GRHL2: variants seen among roughly 807,000 people sequenced by gnomAD.
GRHL2 encodes the protein grainyhead like transcription factor 2.
Under a neutral mutation model 83.8 loss-of-function variants are expected in GRHL2, and 21 were observed. That is an observed-to-expected ratio of 0.25 (90% CI 0.18 to 0.36). GRHL2 has a LOEUF of 0.36. GRHL2 is among the 10% of genes least tolerant of loss of function. The pLI, the probability that GRHL2 is intolerant of heterozygous loss-of-function variation, is 1.00. For missense variants in GRHL2, 623 were observed against 781.8 expected, an observed-to-expected ratio of 0.80 and a Z score of 2.42; for synonymous variants, 280 against 278.9, an observed-to-expected ratio of 1.00 and a Z score of -0.04.
In GRHL2 at chr8:101,492,820, A is replaced by G. The variant is rs1809991932; in HGVS notation, c.20+31A>G. The G allele has an allele frequency of 5.0e-6, 8 of 1,609,188 alleles. No individual in the cohort carries two copies. In the East Asian group the frequency reaches 1.8e-4, roughly 36 times the overall value. On this transcript the variant is annotated intron_variant, in intron 1 of 15. Coordinates refer to ENST00000646743, the MANE Select transcript of GRHL2 (RefSeq NM_024915.4). Reference sequence around the variant, plus strand: ...TGGATCACACGCGCCGGCTGCTGCTACTACTACCACTTTGGGCTGATGGCA... The same window carrying G: ...TGGATCACACGCGCCGGCTGCTGCTGCTACTACCACTTTGGGCTGATGGCA...
intron 7 of GRHL2, among the ~76,000 whole-genome samples, chr8:101,591,026 G>A (rs1190800886): frequency 3.3e-5 from 5 of 152,154 alleles, no homozygotes; most frequent in South Asian, 2.1e-4. Flanking sequence ...TGCCTTTGAC[G>A]GGATTTCCAG....
In GRHL2 at chr8:101,579,746, C is replaced by A. The variant is rs148699284; in HGVS notation, c.1003+2227C>A. Among the ~76,000 whole-genome samples, 609 of 152,306 alleles carry A rather than the reference C, an allele frequency of 4.0e-3. 4 individuals are homozygous for A. Among genetic ancestry groups the A allele is most frequent in the African/African-American group, 0.014 (572 of 41,550 alleles). On this transcript the variant is annotated intron_variant, in intron 7 of 15. Coordinates refer to ENST00000646743, the MANE Select transcript of GRHL2 (RefSeq NM_024915.4). Reference sequence around the variant, plus strand: ...AAACACTATTTCCCACATAAAGGAGCACCGATGGTGTCCTGGCACATATGT... The same window carrying A: ...AAACACTATTTCCCACATAAAGGAGAACCGATGGTGTCCTGGCACATATGT...
At chr8:101,586,914 A>G (rs561195825) in intron 7 of GRHL2, among the ~76,000 whole-genome samples, 3 of 152,286 alleles carry the variant, frequency 2.0e-5, no homozygotes, top group Admixed American at 6.5e-5. Context: ...TCCATTTCTT[A>G]TATTTAAATA....
chr8:101,652,390 TG>T (rs1813659421), intron 14 of GRHL2, among the ~76,000 whole-genome samples: 1 of 66,960 alleles, frequency 1.5e-5, no homozygotes, highest in Non-Finnish European at 2.6e-5. Flanking sequence ...GTGTGGTGTG[TG>T]TGTGTGTCTG....
At chr8:101,573,867 G>C in intron 6 of GRHL2, 43 bp downstream of exon 6, 1 of 1,601,494 alleles carries the variant, frequency 6.2e-7, no homozygotes. Context: ...GGAATCCGAT[G>C]AACGGAATGG....
intron 1 of GRHL2, among the ~76,000 whole-genome samples, chr8:101,515,176 GCACACACACACA>G (rs4002325): frequency 4.2e-5 from 6 of 144,548 alleles, no homozygotes; most frequent in South Asian, 2.3e-4. Context: ...CTGTCTCTCT[GCACACACACACA>G]CACACACACA....
intron 12 of GRHL2, among the ~76,000 whole-genome samples, chr8:101,637,917 A>G (rs1235007942): frequency 6.6e-6 from 1 of 152,164 alleles, no homozygotes; most frequent in African/African-American, 2.4e-5. Flanking sequence ...ACTTCTCAAC[A>G]TCTTAATTTC....
chr8:101,650,883 G>T (rs945150193), intron 14 of GRHL2, among the ~76,000 whole-genome samples: 1 of 151,980 alleles, frequency 6.6e-6, no homozygotes, highest in Non-Finnish European at 1.5e-5. Flanking sequence ...TCATCACGCT[G>T]CCCTCTGTGA....
chr8:101,639,103 C>G (rs1813346429), intron 12 of GRHL2, among the ~76,000 whole-genome samples: 1 of 152,338 alleles, frequency 6.6e-6, no homozygotes, highest in Middle Eastern at 3.4e-3. Flanking sequence ...AGTTGTAAAT[C>G]TGTCTCACCT....
chr8:101,551,138 C>T (rs1445058584), intron 2 of GRHL2, among the ~76,000 whole-genome samples: 1 of 152,134 alleles, frequency 6.6e-6, no homozygotes, highest in Admixed American at 6.5e-5. Flanking sequence ...TATCATTTAT[C>T]TCATTTCTAT....
chr8:101,570,647 A>G, intron 5 of GRHL2, among the ~76,000 whole-genome samples: 1 of 151,978 alleles, frequency 6.6e-6, no homozygotes, highest in Non-Finnish European at 1.5e-5. Flanking sequence ...GTTCCTCTGA[A>G]CCTCATACTC....
At chr8:101,592,696 A>T (rs764272825) in intron 7 of GRHL2, among the ~76,000 whole-genome samples, 2 of 152,168 alleles carry the variant, frequency 1.3e-5, no homozygotes, top group Non-Finnish European at 2.9e-5. Context: ...GCACCGTTAT[A>T]GAATCCCTCA....
Position 101,492,678 on chromosome 8 carries a change from T to C in GRHL2, c.-92T>C. On this transcript the variant is annotated 5_prime_UTR_variant, in exon 1 of 16. Transcript: ENST00000646743. ...GCTCTTGTTCTGCCATCTCGGGCGCTCTCACACACCTTCACCTGCACAGAC... is the reference window on the plus strand; with the variant it reads ...GCTCTTGTTCTGCCATCTCGGGCGCCCTCACACACCTTCACCTGCACAGAC... 1 of 1,099,934 alleles carries C rather than the reference T, an allele frequency of 9.1e-7. No individual in the cohort carries two copies. Among genetic ancestry groups the C allele is most frequent in the Non-Finnish European group, 1.4e-6 (1 of 709,790 alleles). The allele number at this position is 1,099,934 out of a possible 1,614,324, so 68.1% of individuals were successfully genotyped here.
At chr8:101,623,837 C>A (rs1467195839) in intron 9 of GRHL2, among the ~76,000 whole-genome samples, 1 of 151,624 alleles carries the variant, frequency 6.6e-6, no homozygotes, top group Non-Finnish European at 1.5e-5. Flanking sequence ...GGACAGTACA[C>A]AGTAGGACAG....
intron 8 of GRHL2, among the ~76,000 whole-genome samples, chr8:101,613,616 ACACAAATACAATCCT>A (rs1812796275): frequency 6.6e-6 from 1 of 151,122 alleles, no homozygotes; most frequent in African/African-American, 2.5e-5. Flanking sequence ...TTGCATCTGC[ACACAAATACAATCCT>A]ATCAAAGTGG....
At chr8:101,643,477 C>T (rs953093489) in intron 12 of GRHL2, among the ~76,000 whole-genome samples, 1 of 151,940 alleles carries the variant, frequency 6.6e-6, no homozygotes, top group Non-Finnish European at 1.5e-5. Context: ...CAGAACCAGC[C>T]GAGCTGGGGA....
intron 4 of GRHL2, among the ~76,000 whole-genome samples, chr8:101,565,703 G>T (rs1811702850): frequency 6.6e-6 from 1 of 152,200 alleles, no homozygotes; most frequent in Non-Finnish European, 1.5e-5. Flanking sequence ...TTGTTGGCTA[G>T]AACTAGCCAC....
chr8:101,552,611 G>A (rs1811407201), intron 2 of GRHL2, 104 bp from the exon 3 acceptor site: 2 of 1,029,120 alleles, frequency 1.9e-6, no homozygotes, highest in African/African-American at 1.6e-5. Flanking sequence ...CCATTTCCTG[G>A]AGAACATTCC....
At chr8:101,496,847 G>A (rs1449661384) in intron 1 of GRHL2, among the ~76,000 whole-genome samples, 1 of 152,100 alleles carries the variant, frequency 6.6e-6, no homozygotes, top group Non-Finnish European at 1.5e-5. Context: ...AGGGCCCTGA[G>A]GTGAGAGTGT....
Sources: gnomAD v4.1 joint callset for allele counts (sites outside exome capture counted in the v4.1 genomes callset) on GRCh38, gnomAD v4.1.1 for gene constraint, MANE v1.5 for transcripts, NCBI Gene and HGNC (gene_info 2026-07-23, HGNC 2026-07-21) for gene names.